Variants in GNA14 observed in about 807,000 individuals in gnomAD.
GNA14 encodes guanine nucleotide-binding protein subunit alpha-14.
A neutral mutation model predicts 42.0 loss-of-function variants in GNA14; 50 were observed. The observed-to-expected ratio is 1.19, with a 90% CI of 0.95 to 1.51. The LOEUF (loss-of-function observed/expected upper bound fraction) is 1.51. Among genes scored for constraint, GNA14 ranks in the 40% most tolerant of loss-of-function variants. The pLI is 0.00. For synonymous variants in GNA14, 173 were observed against 163.1 expected, an observed-to-expected ratio of 1.06 and a Z score of -0.46; for missense variants, 473 against 446.2, an observed-to-expected ratio of 1.06 and a Z score of -0.54.
At chr9:77,505,944 A>C (rs1837061191) in intron 2 of GNA14, among the ~76,000 whole-genome samples, 1 of 152,130 alleles carries the variant, frequency 6.6e-6, no homozygotes, top group Non-Finnish European at 1.5e-5. Flanking sequence ...ATGAAATTTA[A>C]AACTTTTTAG....
At chr9:77,529,047 A>G (rs530978117) in intron 2 of GNA14, 22 bp downstream of exon 2, 1 of 1,606,136 alleles carries the variant, frequency 6.2e-7, no homozygotes, top group Admixed American at 1.7e-5. Flanking sequence ...CAAATAGGGC[A>G]AGCACTCCCT....
At chr9:77,532,475 G>A (rs1302604968) in intron 1 of GNA14, among the ~76,000 whole-genome samples, 2 of 152,178 alleles carry the variant, frequency 1.3e-5, no homozygotes, top group Admixed American at 1.3e-4. Context: ...TATAATGACA[G>A]CAGTGACCAG....
chr9:77,609,147 C>CT (rs1359718750), intron 1 of GNA14, among the ~76,000 whole-genome samples: 1 of 152,130 alleles, frequency 6.6e-6, no homozygotes, highest in African/African-American at 2.4e-5. Flanking sequence ...CAAGGTACTC[C>CT]TTCAATACTT....
chr9:77,620,422 G>A (rs930578243), intron 1 of GNA14, among the ~76,000 whole-genome samples: 2 of 152,220 alleles, frequency 1.3e-5, no homozygotes, highest in Non-Finnish European at 1.5e-5. Flanking sequence ...AACAGATGAT[G>A]CAGCAAGTAT....
At chr9:77,556,541 T>C (rs193081942) in intron 1 of GNA14, among the ~76,000 whole-genome samples, 1 of 152,282 alleles carries the variant, frequency 6.6e-6, no homozygotes, top group East Asian at 1.9e-4. Flanking sequence ...CACCAGGGCA[T>C]CACAATACGT....
chr9:77,641,093 A>AG (rs796453031), intron 1 of GNA14, among the ~76,000 whole-genome samples: 3 of 8,204 alleles, frequency 3.7e-4, no homozygotes, highest in Non-Finnish European at 5.0e-4. Flanking sequence ...AGGGGAGGGG[A>AG]GGGGGGGGAA....
intron 1 of GNA14, among the ~76,000 whole-genome samples, chr9:77,603,507 A>G (rs1823599551): frequency 6.6e-6 from 1 of 152,214 alleles, no homozygotes; most frequent in South Asian, 2.1e-4. Context: ...CTACATAGAA[A>G]GAGACATCAT....
intron 1 of GNA14, among the ~76,000 whole-genome samples, chr9:77,573,176 C>T (rs1234871607): frequency 1.3e-5 from 2 of 152,022 alleles, no homozygotes; most frequent in Admixed American, 6.5e-5. Context: ...AGGCAGGGTG[C>T]GGTGGCTCAC....
chr9:77,513,776 C>G (rs1309938911), intron 2 of GNA14, among the ~76,000 whole-genome samples: 1 of 152,238 alleles, frequency 6.6e-6, no homozygotes, highest in East Asian at 1.9e-4. Context: ...AGGACAAGTC[C>G]TCACTCCAGT....
chr9:77,587,237 T>G (rs570607022), intron 1 of GNA14, among the ~76,000 whole-genome samples: 3 of 152,166 alleles, frequency 2.0e-5, no homozygotes, highest in South Asian at 4.1e-4. Context: ...GAAAATAGTT[T>G]GGCAGTTTCT....
chr9:77,475,224 G>T (rs1313025829), intron 2 of GNA14, among the ~76,000 whole-genome samples: 1 of 152,102 alleles, frequency 6.6e-6, no homozygotes, highest in African/African-American at 2.4e-5. Context: ...ACAAACTATT[G>T]ATATAAACCC....
intron 2 of GNA14, among the ~76,000 whole-genome samples, chr9:77,486,202 C>T (rs922726222): frequency 1.3e-5 from 2 of 152,214 alleles, no homozygotes; most frequent in African/African-American, 4.8e-5. Flanking sequence ...CCATCAGCAC[C>T]TGCTGTTTCA....
At chr9:77,609,721 T>C (rs1056310701) in intron 1 of GNA14, among the ~76,000 whole-genome samples, 4 of 152,230 alleles carry the variant, frequency 2.6e-5, no homozygotes, top group African/African-American at 7.2e-5. Flanking sequence ...GCCTTATTGC[T>C]GTATCCTCTG....
chr9:77,585,899 A>G (rs1823294069), intron 1 of GNA14, among the ~76,000 whole-genome samples: 1 of 152,156 alleles, frequency 6.6e-6, no homozygotes, highest in South Asian at 2.1e-4. Flanking sequence ...ATTATTATTT[A>G]GTATTACCTT....
chr9:77,586,671 C>T (rs746040534), intron 1 of GNA14, among the ~76,000 whole-genome samples: 5 of 152,194 alleles, frequency 3.3e-5, no homozygotes, highest in East Asian at 3.9e-4. Flanking sequence ...CTTGAGGCGG[C>T]GGTGTCTGAT....
At chr9:77,493,507 G>C (rs1308409855) in intron 2 of GNA14, among the ~76,000 whole-genome samples, 1 of 152,080 alleles carries the variant, frequency 6.6e-6, no homozygotes, top group Non-Finnish European at 1.5e-5. Context: ...CAGTTTGATT[G>C]AAATAAATTA....
intron 1 of GNA14, among the ~76,000 whole-genome samples, chr9:77,572,061 T>C (rs1446601963): frequency 4.6e-5 from 7 of 152,066 alleles, no homozygotes; most frequent in African/African-American, 7.2e-5. Context: ...GACCAAGGAT[T>C]TGGGGAGAAC....
At chr9:77,498,373 C>CAAAAAAA (rs766816001) in intron 2 of GNA14, among the ~76,000 whole-genome samples, 30 of 54,066 alleles carry the variant, frequency 5.5e-4, no homozygotes, top group South Asian at 1.9e-3. Flanking sequence ...AAGTCTGTCT[C>CAAAAAAA]AAAAAAAAAA....
At chr9:77,443,584 T>C (rs1835769110) in intron 2 of GNA14, among the ~76,000 whole-genome samples, 1 of 152,246 alleles carries the variant, frequency 6.6e-6, no homozygotes, top group Non-Finnish European at 1.5e-5. Context: ...TCTCTTTCCC[T>C]TCCTCTTTTC....
Sources: allele counts gnomAD v4.1 joint callset (sites outside exome capture counted in the v4.1 genomes callset), GRCh38; gene constraint gnomAD v4.1.1; transcripts MANE v1.5; gene names NCBI Gene and HGNC (gene_info 2026-07-23, HGNC 2026-07-21).